The following ATP1A3 variants were observed in gnomAD, a reference collection of about 807,000 sequenced individuals.
The protein encoded by ATP1A3 is sodium/potassium-transporting ATPase subunit alpha-3.
Under a neutral mutation model 108.8 loss-of-function variants are expected in ATP1A3, and 12 were observed. The observed-to-expected ratio is 0.11, with a 90% CI of 0.07 to 0.18. The LOEUF is 0.18. Among genes scored for constraint, ATP1A3 ranks in the 10% least tolerant of loss-of-function variants. The pLI is 1.00. For missense variants in ATP1A3, 498 were observed against 1,387.7 expected (o/e 0.36, Z 10.19); for synonymous variants, 539 against 564.5 (o/e 0.95, Z 0.64).
At chr19:41,973,810 C>T (rs1353365310) in intron 16 of ATP1A3, among the ~76,000 whole-genome samples, 4 of 152,218 alleles carry the variant, frequency 2.6e-5, no homozygotes, top group African/African-American at 7.2e-5. Flanking sequence ...AAGGAGCAGA[C>T]GGCTGTATCT....
intron 18 of ATP1A3, 123 bp downstream of exon 18, chr19:41,970,062 G>T: frequency 2.0e-6 from 3 of 1,509,866 alleles, no homozygotes; most frequent in Non-Finnish European, 1.8e-6. Flanking sequence ...ATAGCTCACT[G>T]GTTGGTCCTG....
chr19:41,980,877 C>A (rs2075223664), intron 11 of ATP1A3, among the ~76,000 whole-genome samples: 1 of 151,470 alleles, frequency 6.6e-6, no homozygotes, highest in Non-Finnish European at 1.5e-5. Context: ...CGCCACTGCA[C>A]TCCAGCCTGG....
In ATP1A3 at chr19:41,970,204, G is replaced by A. The variant is rs1236093021; in HGVS notation, c.2523C>T (p.Ser841=). The A allele has an allele frequency of 2.8e-5, 45 of 1,614,116 alleles. No homozygotes were observed. Among genetic ancestry groups the A allele is most frequent in the Non-Finnish European group, 3.7e-5 (44 of 1,180,044 alleles). The part of the protein sequence containing the change: ...TDKLVNERLI[S]MAYGQIGMIQ... Reference sequence around the variant, plus strand: ...CCTCACCAATCTGCCCGTAGGCCATGCTGATGAGTCTCTCATTGACCAATT... The same window carrying A: ...CCTCACCAATCTGCCCGTAGGCCATACTGATGAGTCTCTCATTGACCAATT... Residue 841 remains serine, a synonymous_variant, in exon 18 of 23, where the codon AGC becomes AGT. Transcript: ENST00000648268.
rs1156548474 is a variant in ATP1A3, at chr19:41,969,471, G to A, written c.2652C>T (p.Thr884=). 19 of 1,614,054 alleles carry A rather than the reference G, an allele frequency of 1.2e-5. No homozygotes were observed. The highest frequency in any genetic ancestry group is 5.3e-5 in the African/African-American group (4 of 74,934). ...CGTAACTGTCTTCCAGGTCATTGAC[G>A]GTGCGGTCATCCCAGTTCAGCCGGA... ...VGIRLNWDDR[T]VNDLEDSYGQ... is the part of the protein sequence containing the mutation. The change falls in exon 19 of 23, where the codon ACC becomes ACT. Residue 884 remains threonine (T), a synonymous_variant. Coordinates refer to ENST00000648268, the MANE Select transcript of ATP1A3 (RefSeq NM_152296.5).
In ATP1A3 at chr19:41,987,966, C is replaced by G; in HGVS notation, c.327G>C (p.Ala109=). The G allele has an allele frequency of 6.2e-7, 1 of 1,614,028 alleles. No homozygotes were observed. The change falls in exon 4 of 23, where the codon GCG becomes GCC. Residue 109 remains alanine, a synonymous_variant. Coordinates refer to ENST00000648268, the MANE Select transcript of ATP1A3 (RefSeq NM_152296.5). ...ILCFLAYGIQ[A]GTEDDPSGDN... is the part of the protein sequence containing the mutation. Reference sequence around the variant, plus strand: ...CACCAGAGGGGTCGTCCTCGGTGCCCGCCTGGATACCGTAGGCCAGGAAGC... The same window carrying G: ...CACCAGAGGGGTCGTCCTCGGTGCCGGCCTGGATACCGTAGGCCAGGAAGC...
Position 41,984,884 on chromosome 19 carries a change from C to T in ATP1A3, c.993+34G>A, listed in dbSNP as rs1399056055. The T allele has an allele frequency of 5.0e-6, 8 of 1,596,034 alleles. No homozygotes were observed. The African/African-American group carries it at 9.4e-5, about 19-fold the overall frequency. ...AGACCCAGGAGCCCAGACCCCCAGGCCCTCCCCACCCAGACCCAGGAGCCT... is the reference window on the plus strand; with the variant it reads ...AGACCCAGGAGCCCAGACCCCCAGGTCCTCCCCACCCAGACCCAGGAGCCT... On this transcript the variant is annotated intron_variant, in intron 8 of 22. Transcript: ENST00000648268.
chr19:41,979,254 C>T lies in ATP1A3; in HGVS notation c.1438-456G>A, dbSNP rs999075237. On this transcript the variant is annotated intron_variant, in intron 11 of 22. Coordinates refer to ENST00000648268, the MANE Select transcript of ATP1A3 (RefSeq NM_152296.5). ...CTGGCCTCAAGTGATCTGCCCTCAT[C>T]GGCCTCTCAAAGTGCTGGGATAACA... Among the ~76,000 whole-genome samples the T allele has an allele frequency of 4.0e-5, 6 of 151,760 alleles. No homozygotes were observed. In the East Asian group the frequency reaches 5.8e-4, roughly 15 times the overall value.
chr19:41,969,598 G>C lies in ATP1A3; in HGVS notation c.2543-18C>G. The C allele has an allele frequency of 6.2e-7, 1 of 1,613,164 alleles. No individual in the cohort carries two copies. Among genetic ancestry groups the C allele is most frequent in the East Asian group, 2.2e-5 (1 of 44,848 alleles). On this transcript the variant is annotated intron_variant, in intron 18 of 22. Coordinates refer to ENST00000648268, the MANE Select transcript of ATP1A3 (RefSeq NM_152296.5). Reference sequence around the variant, plus strand: ...GATCATTCCTGGAAGGAGGAGAGAGGAAGCCGAGGAGAGGCTCAGATTGGG... The same window carrying C: ...GATCATTCCTGGAAGGAGGAGAGAGCAAGCCGAGGAGAGGCTCAGATTGGG...
In ATP1A3 at chr19:41,967,338, G is replaced by A; in HGVS notation, c.2924C>T (p.Pro975Leu). 3.1e-6 allele frequency: 5 copies of A among 1,607,186 alleles called. No individual in the cohort carries two copies. Among genetic ancestry groups the A allele is most frequent in the Non-Finnish European group, 4.2e-6 (5 of 1,179,956 alleles). Reference sequence around the variant, plus strand: ...GGGGAAGGCACAGAACCACCAGCTGGGCCTGCAGAGGGGAGAGCAGGAGGG... The same window carrying A: ...GGGGAAGGCACAGAACCACCAGCTGAGCCTGCAGAGGGGAGAGCAGGAGGG... ...DVALRMYPLK[P>L]SWWFCAFPYS... is the part of the protein sequence containing the mutation. The change falls in exon 22 of 23, where the codon CCC becomes CTC. Residue 975 changes from proline (P) to leucine (L), a missense_variant and splice_region_variant. Physicochemically the swap from Pro to Leu is moderately conservative, Grantham distance 98 (BLOSUM62 -3). Coordinates refer to ENST00000648268, the MANE Select transcript of ATP1A3 (RefSeq NM_152296.5). The surrounding 1 kb of genome is among the most constrained non-coding windows in gnomAD (Gnocchi z 4.2).
intron 14 of ATP1A3, 66 bp downstream of exon 14, chr19:41,977,870 A>G: frequency 6.3e-7 from 1 of 1,585,208 alleles, no homozygotes; most frequent in Admixed American, 1.7e-5. Context: ...GGTTGGGGGG[A>G]AGCGGTCCCC....
Position 41,985,930 on chromosome 19 carries a change from C to G in ATP1A3, c.540G>C (p.Leu180=). ...CTCGGTCTCCACCCTTGATCTCCAC[C>G]AGGTCCCCGACCACCACCTCCTCAG... ...VNAEEVVVGD[L]VEIKGGDRVP... The change falls in exon 6 of 23, where the codon CTG becomes CTC. Residue 180 remains leucine, a synonymous_variant. Coordinates refer to ENST00000648268, the MANE Select transcript of ATP1A3 (RefSeq NM_152296.5). This position sits in a 1 kb window ranked among gnomAD's most constrained non-coding sequence, Gnocchi z 8.2. 1 of 1,614,164 alleles carries G rather than the reference C, an allele frequency of 6.2e-7. No homozygotes were observed. Among genetic ancestry groups the G allele is most frequent in the Non-Finnish European group, 8.5e-7 (1 of 1,180,008 alleles).
At chr19:41,989,976 C>T (rs2075321484) in intron 1 of ATP1A3, among the ~76,000 whole-genome samples, 1 of 152,160 alleles carries the variant, frequency 6.6e-6, no homozygotes, top group African/African-American at 2.4e-5. Context: ...CTGTCTCCAT[C>T]TCTTGGCTGT....
At position 41,988,708 on chromosome 19, in the gene ATP1A3, G is replaced by A. The variant is rs566077466; in HGVS notation, c.7-146C>T. The A allele has an allele frequency of 5.3e-6, 8 of 1,521,318 alleles. No individual in the cohort carries two copies. The highest frequency in any genetic ancestry group is 2.8e-5 in the African/African-American group (2 of 72,594). 94.2% of individuals were successfully genotyped at this position (1,521,318 alleles called of 1,614,324 possible). A position where few individuals can be genotyped will look rare whatever the true frequency, so the allele number is the denominator to read the frequency against. ...GGTGGGGGGTCTCTGTCTGCCTCTC[G>A]GGGTCTCCCTGTGTCTCCCGGAGCC... On this transcript the variant is annotated intron_variant, in intron 1 of 22. Transcript: ENST00000648268. This position sits in a 1 kb window ranked among gnomAD's most constrained non-coding sequence, Gnocchi z 5.3.
intron 1 of ATP1A3, among the ~76,000 whole-genome samples, chr19:41,989,620 C>T (rs911606101): frequency 2.0e-5 from 3 of 152,098 alleles, no homozygotes; most frequent in South Asian, 2.1e-4. Flanking sequence ...TGCCCGGCCT[C>T]GTATCTGTCT....
chr19:41,978,471 TCATC>T lies in ATP1A3; in HGVS notation c.1630+131_1630+134del. 6.1e-6 allele frequency: 9 copies of T among 1,481,796 alleles called. No homozygotes were observed. The highest frequency in any genetic ancestry group is 8.3e-6 in the Non-Finnish European group (9 of 1,082,732). The allele number at this position is 1,481,796 out of a possible 1,614,324, so 91.8% of individuals were successfully genotyped here. A position where few individuals can be genotyped will look rare whatever the true frequency, so the allele number is the denominator to read the frequency against. On this transcript the variant is annotated intron_variant, in intron 12 of 22. Transcript: ENST00000648268. This position sits in a 1 kb window ranked among gnomAD's most constrained non-coding sequence, Gnocchi z 8.3. The stretch of plus-strand genomic sequence containing the variant: ...TCATTTCCTAGGATACCTTCCCCTC[TCATC>T]CATCCATTCATTCATTCATTCATTC...
At position 41,967,674 on chromosome 19, in the gene ATP1A3, A is replaced by C. The variant is rs1555858919; in HGVS notation, c.2909T>G (p.Met970Arg). 2 of 1,613,954 alleles carry C rather than the reference A, an allele frequency of 1.2e-6. No individual in the cohort carries two copies. Among genetic ancestry groups the C allele is most frequent in the Non-Finnish European group, 1.7e-6 (2 of 1,179,930 alleles). The change falls in exon 21 of 23, where the codon ATG becomes AGG. Residue 970 changes from methionine (M) to arginine (R), a missense_variant. Met to Arg is a moderately conservative substitution (Grantham distance 91). This residue lies in a region of ATP1A3 where 121 missense variants were observed against 425.1 expected (regional missense o/e 0.28). Transcript: ENST00000648268. The surrounding 1 kb of genome is among the most constrained non-coding windows in gnomAD (Gnocchi z 4.2). ...YCPGMDVALR[M>R]YPLKPSWWFC... ...GCGGGGCACTCACTTGAGAGGGTAC[A>C]TGCGCAGGGCCACGTCCATGCCGGG...
In ATP1A3 at chr19:41,981,851, G is replaced by C; in HGVS notation, c.1193-20C>G. On this transcript the variant is annotated intron_variant, in intron 9 of 22. Coordinates refer to ENST00000648268, the MANE Select transcript of ATP1A3 (RefSeq NM_152296.5). This position sits in a 1 kb window ranked among gnomAD's most constrained non-coding sequence, Gnocchi z 5.0. ...AGGTCCCTGGGGGAGGCATGTGTGA[G>C]GGCCAGGGACTCCTGGAGCCAGGCC... The C allele has an allele frequency of 6.2e-7, 1 of 1,614,226 alleles. No individual in the cohort carries two copies.
At position 41,988,430 on chromosome 19, in the gene ATP1A3, T is replaced by G; in HGVS notation, c.93+46A>C. On this transcript the variant is annotated intron_variant, in intron 2 of 22. Transcript: ENST00000648268. This position sits in a 1 kb window ranked among gnomAD's most constrained non-coding sequence, Gnocchi z 5.3. ...GTGAGTGCCTAGGCCAGCCAAGAAC[T>G]GGCGAGGTTCTCTGGGAGGGTGTGC... 1.9e-6 allele frequency: 3 copies of G among 1,614,178 alleles called. No individual in the cohort carries two copies. The highest frequency in any genetic ancestry group is 1.1e-5 in the South Asian group (1 of 91,078).
chr19:41,994,127 G>A lies in ATP1A3; in HGVS notation c.-51C>T. ...CAGGCGGGCGGGGCGGGGACCTCGG[G>A]GCGGGCTCAGGCTCAGGCTTGGGCT... On this transcript the variant is annotated 5_prime_UTR_variant, in exon 1 of 23. Transcript: ENST00000648268. The A allele has an allele frequency of 1.3e-6, 2 of 1,534,380 alleles. No homozygotes were observed. The highest frequency in any genetic ancestry group is 1.8e-6 in the Non-Finnish European group (2 of 1,142,420).
Sources: allele counts gnomAD v4.1 joint callset (sites outside exome capture counted in the v4.1 genomes callset), GRCh38; gene constraint gnomAD v4.1.1; regional missense constraint gnomAD v4.1.1; non-coding constraint Gnocchi (gnomAD v3.1); transcripts MANE v1.5; gene names NCBI Gene and HGNC (gene_info 2026-07-23, HGNC 2026-07-21).